The following RBM27 variants were observed in gnomAD, a reference collection of about 807,000 sequenced individuals.
RBM27 encodes the protein RNA binding motif protein 27.
RBM27 carries 22 observed loss-of-function variants against 135.3 expected under a neutral mutation model. The observed-to-expected ratio is 0.16, with a 90% CI of 0.12 to 0.23. RBM27 has a LOEUF of 0.23. RBM27 is among the 10% of genes least tolerant of loss of function. The pLI is 1.00. For synonymous variants in RBM27, 481 were observed against 442.4 expected (o/e 1.09, Z -1.10); for missense variants, 1,009 against 1,281.0 (o/e 0.79, Z 3.24).
chr5:146,260,941 G>A, intron 12 of RBM27, 43 bp downstream of exon 12: 1 of 1,550,270 alleles, frequency 6.5e-7, no homozygotes, highest in Non-Finnish European at 8.8e-7. Context: ...GCATTTTATG[G>A]GTCTTGGGAA....
rs1482839181 is a variant in RBM27 at position 146,284,667 on chromosome 5, T to C, written c.3034T>C (p.Ser1012Pro). ...ATTTAAAGACCGTCGGCTACAGATA[T>C]CATGGCACAAGCCCAAGGTACCATC... ...PKFKDRRLQI[S>P]WHKPKVPSIS... Residue 1012 changes from serine to proline, a missense_variant, in exon 20 of 21, where the codon TCA becomes CCA. Transcript: ENST00000265271. 9 of 1,613,476 alleles carry C rather than the reference T, an allele frequency of 5.6e-6. No individual in the cohort carries two copies. The highest frequency in any genetic ancestry group is 3.3e-5 in the Admixed American group (2 of 59,960).
intron 1 of RBM27, among the ~76,000 whole-genome samples, chr5:146,212,336 G>A (rs943772719): frequency 2.5e-4 from 38 of 149,732 alleles, no homozygotes; most frequent in African/African-American, 9.1e-4. Context: ...TTACAGGCGT[G>A]AGCCACCCCG....
Position 146,233,707 on chromosome 5 carries a change from G to A in RBM27, c.1108G>A (p.Gly370Ser), listed in dbSNP as rs1757044195. ...GAGACTTCCTGTTCCCCAAGGACAT[G>A]GTCAGCCTCCACCATCCGTTGTGCT... Reference protein sequence around the residue: ...SMRLPVPQGHGQPPPSVVLPI... With the variant: ...SMRLPVPQGHSQPPPSVVLPI... The change falls in exon 7 of 21, where the codon GGT becomes AGT. Residue 370 changes from glycine to serine, a missense_variant. Physicochemically the swap from Gly to Ser is moderately conservative, Grantham distance 56 (BLOSUM62 0). This residue lies in a region of RBM27 where 329 missense variants were observed against 368.1 expected (regional missense o/e 0.89). Transcript: ENST00000265271. 1 of 1,480,172 alleles carries A rather than the reference G, an allele frequency of 6.8e-7. No individual in the cohort carries two copies. Among genetic ancestry groups the A allele is most frequent in the African/African-American group, 1.4e-5 (1 of 70,102 alleles). 91.7% of individuals were successfully genotyped at this position (1,480,172 alleles called of 1,614,324 possible).
At chr5:146,269,736 TAG>T in intron 17 of RBM27, 152 bp downstream of exon 17, 1 of 349,250 alleles carries the variant, frequency 2.9e-6, no homozygotes, top group Non-Finnish European at 4.9e-6. Context: ...ATCCTAATTA[TAG>T]TACCTTTTTT....
At chr5:146,242,031 A>G (rs1247758737) in intron 8 of RBM27, among the ~76,000 whole-genome samples, 3 of 151,222 alleles carry the variant, frequency 2.0e-5, no homozygotes, top group African/African-American at 7.3e-5. Flanking sequence ...CTCAAGTGTT[A>G]CTCCTGCCTC....
intron 14 of RBM27, among the ~76,000 whole-genome samples, chr5:146,264,654 TAAAA>T (rs35210934): frequency 1.2e-4 from 12 of 97,888 alleles, no homozygotes; most frequent in East Asian, 3.3e-4. Flanking sequence ...CAAAGAGAGC[TAAAA>T]AAAAAAAAAA....
In RBM27 at chr5:146,263,513, C is replaced by T. The variant is rs2126860246; in HGVS notation, c.2213C>T (p.Ser738Leu). ...CAGATGATGAGCAAACCACAGACAT[C>T]AGGTGCATATGTTCTTAACAAAGTT... Reference protein sequence around the residue: ...IQKMMSKPQTSGAYVLNKVPV... With the variant: ...IQKMMSKPQTLGAYVLNKVPV... The change falls in exon 14 of 21, where the codon TCA becomes TTA. Residue 738 changes from serine to leucine, a missense_variant. Coordinates refer to ENST00000265271, the MANE Select transcript of RBM27 (RefSeq NM_018989.2). 3 of 1,613,868 alleles carry T rather than the reference C, an allele frequency of 1.9e-6. No homozygotes were observed. Among genetic ancestry groups the T allele is most frequent in the East Asian group, 2.2e-5 (1 of 44,856 alleles).
At chr5:146,246,271 C>G (rs1757618737) in intron 8 of RBM27, among the ~76,000 whole-genome samples, 1 of 151,990 alleles carries the variant, frequency 6.6e-6, no homozygotes, top group Non-Finnish European at 1.5e-5. Flanking sequence ...AAGACAAAAT[C>G]AGGAAAATTA....
intron 15 of RBM27, among the ~76,000 whole-genome samples, chr5:146,268,201 T>TTTC (rs1758701205): frequency 1.3e-5 from 2 of 152,154 alleles, no homozygotes; most frequent in South Asian, 4.1e-4. Context: ...GAGGCAAAAT[T>TTTC]TTCCTGGTGA....
chr5:146,247,446 A>C (rs930821258), intron 8 of RBM27, among the ~76,000 whole-genome samples: 1 of 152,110 alleles, frequency 6.6e-6, no homozygotes, highest in African/African-American at 2.4e-5. Context: ...TACCTGGTTT[A>C]TTTGACGCTA....
At chr5:146,276,221 G>A (rs1759087201) in intron 19 of RBM27, among the ~76,000 whole-genome samples, 1 of 150,060 alleles carries the variant, frequency 6.7e-6, no homozygotes, top group African/African-American at 2.5e-5. Context: ...TTTTTGTTAC[G>A]GATTTATACC....
chr5:146,266,896 G>C (rs994708473), intron 14 of RBM27, among the ~76,000 whole-genome samples: 1 of 152,092 alleles, frequency 6.6e-6, no homozygotes, highest in East Asian at 1.9e-4. Flanking sequence ...ACCTCTGCAC[G>C]CTAGCCTGGG....
chr5:146,230,963 A>T, intron 6 of RBM27, 46 bp downstream of exon 6: 1 of 1,589,164 alleles, frequency 6.3e-7, no homozygotes, highest in Non-Finnish European at 8.6e-7. Context: ...AAGTACTAGC[A>T]GAGCAAATGT....
chr5:146,277,668 G>T (rs967036642), intron 19 of RBM27, among the ~76,000 whole-genome samples: 4 of 150,852 alleles, frequency 2.7e-5, no homozygotes, highest in Non-Finnish European at 5.9e-5. Flanking sequence ...GACCACAGGC[G>T]CCCGCCACCA....
intron 7 of RBM27, among the ~76,000 whole-genome samples, chr5:146,236,114 C>T (rs967788856): frequency 2.6e-5 from 4 of 152,330 alleles, no homozygotes; most frequent in Non-Finnish European, 5.9e-5. Flanking sequence ...AACGTTATCT[C>T]AGCGTGGGAA....
At chr5:146,250,923 C>T (rs941650217) in intron 8 of RBM27, among the ~76,000 whole-genome samples, 2 of 151,912 alleles carry the variant, frequency 1.3e-5, no homozygotes, top group Admixed American at 6.6e-5. Context: ...ATTACAGGTG[C>T]CCACCACGAC....
In RBM27 at chr5:146,258,531, T is replaced by G; in HGVS notation, c.1677T>G (p.Asp559Glu). 1 of 1,601,074 alleles carries G rather than the reference T, an allele frequency of 6.2e-7. No individual in the cohort carries two copies. Among genetic ancestry groups the G allele is most frequent in the Non-Finnish European group, 8.5e-7 (1 of 1,173,570 alleles). ...SNITRVVLEP[D>E]SRKRAMSGLE... Reference sequence around the variant, plus strand: ...TAACCAGAGTAGTTCTTGAACCAGATAGTCGAAAAAGAGCTATGAGTGGTT... The same window carrying G: ...TAACCAGAGTAGTTCTTGAACCAGAGAGTCGAAAAAGAGCTATGAGTGGTT... The change falls in exon 11 of 21, where the codon GAT becomes GAG. Residue 559 changes from aspartate to glutamate, a missense_variant. This residue lies in a region of RBM27 where 329 missense variants were observed against 368.1 expected (regional missense o/e 0.89). Coordinates refer to ENST00000265271, the MANE Select transcript of RBM27 (RefSeq NM_018989.2).
Position 146,263,485 on chromosome 5 carries a change from G to A in RBM27, c.2191-6G>A, listed in dbSNP as rs7729098. 554,171 of 1,609,280 alleles carry A rather than the reference G, an allele frequency of 0.34. 98,913 individuals are homozygous for A. Among genetic ancestry groups the A allele is most frequent in the African/African-American group, 0.48 (36,189 of 74,768 alleles). On this transcript the variant is annotated splice_polypyrimidine_tract_variant and splice_region_variant and intron_variant, in intron 13 of 20. Transcript: ENST00000265271. ...TGCCACATAAGTGTTCATTTTGTAT[G>A]TGCAGATGATGAGCAAACCACAGAC...
Position 146,263,562 on chromosome 5 carries a change from T to G in RBM27, c.2262T>G (p.His754Gln), listed in dbSNP as rs1285835723. 6.2e-7 allele frequency: 1 copy of G among 1,614,176 alleles called. No homozygotes were observed. ...TTCCTGTTAAACATCGTCTTGGACA[T>G]GCAGGTGGTAACCAGAGTGATGCAT... ...NKVPVKHRLG[H>Q]AGGNQSDASH... Residue 754 changes from histidine to glutamine, a missense_variant, in exon 14 of 21, where the codon CAT becomes CAG. By Grantham distance (24) the His-to-Gln change is conservative (BLOSUM62 0). This residue lies in a region of RBM27 where 355 missense variants were observed against 427.3 expected (regional missense o/e 0.83). Transcript: ENST00000265271.
Sources: gnomAD v4.1 joint callset for allele counts (sites outside exome capture counted in the v4.1 genomes callset) on GRCh38, gnomAD v4.1.1 for gene constraint, gnomAD v4.1.1 regional missense constraint, MANE v1.5 for transcripts, NCBI Gene and HGNC (gene_info 2026-07-23, HGNC 2026-07-21) for gene names.